The following WWC2 variants were observed in gnomAD, a reference collection of about 807,000 sequenced individuals.
WWC2 encodes the protein WW and C2 domain containing 2, also known as protein WWC2.
WWC2 carries 101 observed loss-of-function variants against 138.5 expected under a neutral mutation model. That is an observed-to-expected ratio of 0.73 (90% CI 0.62 to 0.86). The LOEUF (loss-of-function observed/expected upper bound fraction) is 0.86. Ranked by LOEUF, WWC2 falls within the 40% of genes least tolerant of loss-of-function variation. The pLI, the probability that WWC2 is intolerant of heterozygous loss-of-function variation, is 0.00. For synonymous variants in WWC2, 558 were observed against 538.4 expected, an observed-to-expected ratio of 1.04 and a Z score of -0.50; for missense variants, 1,420 against 1,419.4, an observed-to-expected ratio of 1.00 and a Z score of -0.01.
chr4:183,131,715 T>C (rs1035215785), intron 1 of WWC2, among the ~76,000 whole-genome samples: 4 of 152,342 alleles, frequency 2.6e-5, no homozygotes, highest in African/African-American at 9.6e-5. Flanking sequence ...ATCTTCTTTC[T>C]CATTTGTGCT....
chr4:183,283,341 TA>T (rs756756048), intron 18 of WWC2, among the ~76,000 whole-genome samples: 39 of 152,242 alleles, frequency 2.6e-4, no homozygotes, highest in Non-Finnish European at 4.0e-4. Context: ...TGACTTAGTT[TA>T]GGCACAAGTG....
intron 16 of WWC2, among the ~76,000 whole-genome samples, chr4:183,278,496 T>G (rs903613401): frequency 1.3e-5 from 2 of 151,710 alleles, no homozygotes; most frequent in African/African-American, 4.9e-5. Flanking sequence ...TTAAAGTAGT[T>G]TTTTCAAATT....
chr4:183,099,784 GTACCCGGGCTC>G (rs1579933169), intron 1 of WWC2, among the ~76,000 whole-genome samples, 162 bp downstream of exon 1: 1 of 151,876 alleles, frequency 6.6e-6, no homozygotes, highest in East Asian at 2.0e-4. Context: ...GGAGCCGCCC[GTACCCGGGCTC>G]CTCCGCCCAC....
intron 21 of WWC2, among the ~76,000 whole-genome samples, chr4:183,298,755 T>G (rs574457387): frequency 6.6e-6 from 1 of 152,214 alleles, no homozygotes; most frequent in African/African-American, 2.4e-5. Context: ...CAGAATTTTG[T>G]GATCTATTTG....
chr4:183,196,190 C>T (rs1046995254), intron 2 of WWC2, among the ~76,000 whole-genome samples: 1 of 152,148 alleles, frequency 6.6e-6, no homozygotes, highest in Non-Finnish European at 1.5e-5. Context: ...CCTGCAGAAC[C>T]GTGAGTTAAT....
chr4:183,236,129 G>C (rs1480861591), intron 4 of WWC2, among the ~76,000 whole-genome samples: 1 of 152,072 alleles, frequency 6.6e-6, no homozygotes, highest in Non-Finnish European at 1.5e-5. Flanking sequence ...CCCAGTATAT[G>C]TTCTTGGCAC....
intron 1 of WWC2, among the ~76,000 whole-genome samples, chr4:183,170,872 G>C (rs971632037): frequency 3.3e-5 from 5 of 149,346 alleles, no homozygotes; most frequent in African/African-American, 1.2e-4. Context: ...TTAATAGAGA[G>C]TCTCGCTATA....
chr4:183,207,260 T>C (rs1390965416), intron 2 of WWC2, among the ~76,000 whole-genome samples: 1 of 152,100 alleles, frequency 6.6e-6, no homozygotes, highest in Non-Finnish European at 1.5e-5. Context: ...AACCAGGGCC[T>C]TAGGCTAGAG....
chr4:183,180,302 C>A (rs1413990872), intron 1 of WWC2, among the ~76,000 whole-genome samples: 1 of 152,156 alleles, frequency 6.6e-6, no homozygotes, highest in Non-Finnish European at 1.5e-5. Context: ...TGCCTCTGAG[C>A]TGTGAAGTAG....
At chr4:183,286,414 G>T (rs1434838091) in intron 20 of WWC2, among the ~76,000 whole-genome samples, 4 of 152,120 alleles carry the variant, frequency 2.6e-5, no homozygotes, top group Non-Finnish European at 5.9e-5. Context: ...GTGGGAAGGG[G>T]TGTAAGACCT....
At chr4:183,238,254 A>C (rs1736491551) in intron 4 of WWC2, among the ~76,000 whole-genome samples, 1 of 152,154 alleles carries the variant, frequency 6.6e-6, no homozygotes, top group Admixed American at 6.5e-5. Context: ...GATCTTGGTC[A>C]CATGCTTTCC....
At chr4:183,271,341 A>C in intron 16 of WWC2, 100 bp downstream of exon 16, 1 of 958,336 alleles carries the variant, frequency 1.0e-6, no homozygotes, top group Non-Finnish European at 1.4e-6. Context: ...CGAGACCAAC[A>C]TGCTTTTATC....
At chr4:183,150,482 T>C (rs1011835767) in intron 1 of WWC2, among the ~76,000 whole-genome samples, 1 of 152,172 alleles carries the variant, frequency 6.6e-6, no homozygotes, top group Non-Finnish European at 1.5e-5. Context: ...GAGTTTTACA[T>C]TGTACGTTGA....
At chr4:183,256,491 G>A (rs1336980862) in intron 9 of WWC2, among the ~76,000 whole-genome samples, 2 of 152,092 alleles carry the variant, frequency 1.3e-5, no homozygotes, top group African/African-American at 4.8e-5. Context: ...TTCCTCCTGT[G>A]TGTGTGGGTT....
At chr4:183,113,523 C>CGT (rs1286046314) in intron 1 of WWC2, among the ~76,000 whole-genome samples, 3 of 144,452 alleles carry the variant, frequency 2.1e-5, no homozygotes, top group Middle Eastern at 3.2e-3. Context: ...TGTGCGCGCG[C>CGT]GTGCGCGCGC....
chr4:183,300,020 G>T (rs1482094348), intron 21 of WWC2, among the ~76,000 whole-genome samples: 1 of 152,160 alleles, frequency 6.6e-6, no homozygotes, highest in African/African-American at 2.4e-5. Context: ...ATCTTATTTG[G>T]TGTCCTCGTG....
intron 1 of WWC2, among the ~76,000 whole-genome samples, chr4:183,143,136 T>A (rs1177969454): frequency 6.6e-6 from 1 of 152,238 alleles, no homozygotes; most frequent in Non-Finnish European, 1.5e-5. Context: ...TTAAATTATG[T>A]TTTATTGAAA....
intron 1 of WWC2, among the ~76,000 whole-genome samples, chr4:183,192,013 C>T (rs547113315): frequency 3.3e-5 from 5 of 152,320 alleles, no homozygotes; most frequent in East Asian, 1.9e-4. Context: ...GCGTGAGCCA[C>T]GGTGCCCAAC....
chr4:183,265,026 A>G lies in WWC2; in HGVS notation c.1958A>G (p.Glu653Gly). The G allele has an allele frequency of 6.2e-7, 1 of 1,613,734 alleles. No individual in the cohort carries two copies. The highest frequency in any genetic ancestry group is 8.5e-7 in the Non-Finnish European group (1 of 1,179,730). ...AGAAGAGTGATCCACTTGCTTGGGG[A>G]GAAAACCACTTGTGTGTCGGCTGCT... ...PKRRVIHLLG[E>G]KTTCVSAAVS... The change falls in exon 12 of 23, where the codon GAG becomes GGG. Residue 653 changes from glutamate (E) to glycine (G), a missense_variant. Coordinates refer to ENST00000403733, the MANE Select transcript of WWC2 (RefSeq NM_024949.6).
Sources: gnomAD v4.1 joint callset for allele counts (sites outside exome capture counted in the v4.1 genomes callset) on GRCh38, gnomAD v4.1.1 for gene constraint, MANE v1.5 for transcripts, NCBI Gene and HGNC (gene_info 2026-07-23, HGNC 2026-07-21) for gene names.